TAS1R1: variants seen among roughly 807,000 people sequenced by gnomAD.
The protein encoded by TAS1R1 is taste receptor type 1 member 1.
In TAS1R1, 31 loss-of-function variants were observed where a neutral mutation model predicts 45.8. The ratio of observed to expected loss-of-function variants is 0.68; its 90% confidence interval spans 0.51 to 0.91. The LOEUF (loss-of-function observed/expected upper bound fraction) is 0.91. TAS1R1 is among the 40% of genes least tolerant of loss of function. The pLI is 0.00. For synonymous variants in TAS1R1, 437 were observed against 448.4 expected, an observed-to-expected ratio of 0.97 and a Z score of 0.32; for missense variants, 1,051 against 1,063.9, an observed-to-expected ratio of 0.99 and a Z score of 0.17.
At chr1:6,578,482 A>G (rs1352982651) in intron 5 of TAS1R1, among the ~76,000 whole-genome samples, 171 bp from the exon 6 acceptor site, 3 of 151,872 alleles carry the variant, frequency 2.0e-5, no homozygotes, top group African/African-American at 7.3e-5. Flanking sequence ...TAACACAGGC[A>G]TTTTGAGGAA....
Position 6,579,658 on chromosome 1 carries a change from C to CG in TAS1R1, c.*77dup. ...GAAGGTCGAGCAGGCCGGGGGTGTCCGGGAGGTCTTTGGGCATCGCGGTCT... is the reference window on the plus strand; with the variant it reads ...GAAGGTCGAGCAGGCCGGGGGTGTCCGGGGAGGTCTTTGGGCATCGCGGTCT... On this transcript the variant is annotated 3_prime_UTR_variant, in exon 6 of 6. Transcript: ENST00000333172. The CG allele has an allele frequency of 6.6e-7, 1 of 1,518,550 alleles. No individual in the cohort carries two copies. Among genetic ancestry groups the CG allele is most frequent in the Non-Finnish European group, 8.8e-7 (1 of 1,140,724 alleles). 94.1% of individuals were successfully genotyped at this position (1,518,550 alleles called of 1,614,324 possible).
At chr1:6,577,154 G>C in intron 5 of TAS1R1, 84 bp downstream of exon 5, 1 of 1,573,582 alleles carries the variant, frequency 6.4e-7, no homozygotes. Context: ...GGCCCCATGT[G>C]CCCTGCCCCA....
intron 1 of TAS1R1, among the ~76,000 whole-genome samples, chr1:6,565,655 C>T (rs769990129): frequency 6.6e-6 from 1 of 152,114 alleles, no homozygotes; most frequent in Non-Finnish European, 1.5e-5. Flanking sequence ...CTCTGTTGCC[C>T]AGGCTGGAGT....
intron 2 of TAS1R1, among the ~76,000 whole-genome samples, chr1:6,573,735 T>G (rs1009750512): frequency 1.3e-5 from 2 of 151,986 alleles, no homozygotes; most frequent in African/African-American, 4.8e-5. Context: ...CGATCTCGAC[T>G]CACTGCAAGC....
intron 3 of TAS1R1, 130 bp downstream of exon 3, chr1:6,575,522 G>C (rs1640145246): frequency 3.5e-6 from 4 of 1,131,066 alleles, no homozygotes; most frequent in Non-Finnish European, 4.8e-6. Context: ...TTTTTGTTTT[G>C]TTTTGTTTTG....
In TAS1R1 at chr1:6,575,139, C is replaced by T. The variant is rs1262995343; in HGVS notation, c.1007C>T (p.Ala336Val). The T allele has an allele frequency of 4.4e-6, 7 of 1,584,536 alleles. No homozygotes were observed. Among genetic ancestry groups the T allele is most frequent in the East Asian group, 4.5e-5 (2 of 44,730 alleles). The change falls in exon 3 of 6, where the codon GCG becomes GTG. Residue 336 changes from alanine (A) to valine (V), a missense_variant. Transcript: ENST00000333172. ...AAGAGGGCTGTCCCTGGCCTGAAGGCGTTTGAAGAAGCCTATGCCCGGGCA... is the reference window on the plus strand; with the variant it reads ...AAGAGGGCTGTCCCTGGCCTGAAGGTGTTTGAAGAAGCCTATGCCCGGGCA... ...IQKRAVPGLK[A>V]FEEAYARADK... is the part of the protein sequence containing the mutation.
chr1:6,576,662 C>CTTA (rs1242883626), intron 4 of TAS1R1, 35 bp downstream of exon 4: 1 of 1,605,418 alleles, frequency 6.2e-7, no homozygotes, highest in Non-Finnish European at 8.5e-7. Context: ...ATGTAACTGG[C>CTTA]TTATGGGCAA....
At chr1:6,555,866 C>CTTTTTTTT (rs770363613) in intron 1 of TAS1R1, among the ~76,000 whole-genome samples, 1,901 of 95,074 alleles carry the variant, frequency 0.02, 125 homozygotes, top group Middle Eastern at 0.033. Context: ...TTTCCCTCTT[C>CTTTTTTTT]TTTTTTTTTT....
At chr1:6,578,561 G>A in intron 5 of TAS1R1, 92 bp from the exon 6 acceptor site, 1 of 1,507,026 alleles carries the variant, frequency 6.6e-7, no homozygotes, top group South Asian at 1.4e-5. Context: ...TAGCTGCCCT[G>A]GTACAATTCT....
chr1:6,558,977 C>T (rs546663768), intron 1 of TAS1R1, among the ~76,000 whole-genome samples: 8 of 135,570 alleles, frequency 5.9e-5, no homozygotes, highest in African/African-American at 2.2e-4. Context: ...CTGCAAGCTC[C>T]GCCTCCTGGT....
rs34857011 is a variant in TAS1R1, at chr1:6,579,332, G to A, written c.2274G>A (p.Glu758=). 10,109 of 1,614,114 alleles carry A rather than the reference G, an allele frequency of 6.3e-3. 477 individuals carry two copies. The African/African-American group carries it at 0.11, about 18-fold the overall frequency. Reference sequence around the variant, plus strand: ...AGGACTTGCCAGAGAACTACAACGAGGCCAAATGTGTCACCTTCAGCCTGC... The same window carrying A: ...AGGACTTGCCAGAGAACTACAACGAAGCCAAATGTGTCACCTTCAGCCTGC... ...LGKDLPENYN[E]AKCVTFSLLF... is the part of the protein sequence containing the mutation. The change falls in exon 6 of 6, where the codon GAG becomes GAA. Residue 758 remains glutamate (E), a synonymous_variant. Transcript: ENST00000333172.
chr1:6,578,614 C>G, intron 5 of TAS1R1, 39 bp from the exon 6 acceptor site: 24 of 1,525,618 alleles, frequency 1.6e-5, no homozygotes, highest in Non-Finnish European at 2.1e-5. Context: ...CTACTCTGCT[C>G]ATCTGGCTCT....
In TAS1R1 at chr1:6,575,107, C is replaced by G; in HGVS notation, c.975C>G (p.Ala325=). 6.3e-7 allele frequency: 1 copy of G among 1,585,512 alleles called. No individual in the cohort carries two copies. The highest frequency in any genetic ancestry group is 1.8e-5 in the Admixed American group (1 of 56,402). The part of the protein sequence containing the change: ...IQRIGMVLGV[A]IQKRAVPGLK... ...GCATTGGGATGGTGCTGGGCGTGGC[C>G]ATCCAGAAGAGGGCTGTCCCTGGCC... is the stretch of plus-strand genomic sequence containing the variant. The change falls in exon 3 of 6, where the codon GCC becomes GCG. Residue 325 remains alanine, a synonymous_variant. Coordinates refer to ENST00000333172, the MANE Select transcript of TAS1R1 (RefSeq NM_138697.4).
chr1:6,574,991 G>C lies in TAS1R1; in HGVS notation c.859G>C (p.Val287Leu). ...GTTGGCCAGGGTGTTTTTCGAGTCC[G>C]TGGTGCTGACCAACCTGACTGGCAA... is the stretch of plus-strand genomic sequence containing the variant. The part of the protein sequence containing the change: ...RQLARVFFES[V>L]VLTNLTGKVW... Residue 287 changes from valine (V) to leucine (L), a missense_variant, in exon 3 of 6, where the codon GTG (valine) becomes CTG (leucine). Val to Leu is a conservative substitution (Grantham distance 32). Transcript: ENST00000333172. This position sits in a 1 kb window ranked among gnomAD's most constrained non-coding sequence, Gnocchi z 4.3. 1 of 1,598,964 alleles carries C rather than the reference G, an allele frequency of 6.3e-7. No individual in the cohort carries two copies. Among genetic ancestry groups the C allele is most frequent in the East Asian group, 2.2e-5 (1 of 44,730 alleles).
At chr1:6,567,586 C>A (rs1485193883) in intron 1 of TAS1R1, among the ~76,000 whole-genome samples, 3 of 148,960 alleles carry the variant, frequency 2.0e-5, no homozygotes, top group African/African-American at 7.4e-5. Context: ...AAGAGGAGAT[C>A]GGCTTACCTG....
chr1:6,572,421 G>C (rs185968094), intron 2 of TAS1R1, among the ~76,000 whole-genome samples: 1 of 152,026 alleles, frequency 6.6e-6, no homozygotes, highest in East Asian at 1.9e-4. Context: ...CACCATGCCT[G>C]GCTAATTTTT....
In TAS1R1 at chr1:6,571,095, C is replaced by T; in HGVS notation, c.378C>T (p.His126=). 1 of 1,614,130 alleles carries T rather than the reference C, an allele frequency of 6.2e-7. No individual in the cohort carries two copies. The highest frequency in any genetic ancestry group is 1.1e-5 in the South Asian group (1 of 91,082). ...LRVLSLPGQH[H]IELQGDLLHY... is the part of the protein sequence containing the mutation. ...TGCTCTCCCTGCCAGGGCAACACCA[C>T]ATAGAGCTCCAAGGAGACCTTCTCC... The change falls in exon 2 of 6, where the codon CAC becomes CAT. Residue 126 remains histidine, a synonymous_variant. Transcript: ENST00000333172.
Position 6,578,935 on chromosome 1 carries a change from C to T in TAS1R1, c.1877C>T (p.Pro626Leu), listed in dbSNP as rs150612979. 9.6e-4 allele frequency: 1,554 copies of T among 1,613,898 alleles called. 12 individuals carry two copies. In the Admixed American group the frequency reaches 0.015, roughly 15 times the overall value. The change falls in exon 6 of 6, where the codon CCC (proline) becomes CTC (leucine). Residue 626 changes from proline (P) to leucine (L), a missense_variant. Transcript: ENST00000333172. ...SGSLYGFFGE[P>L]TRPACLLRQA... ...AGCCTCTATGGCTTCTTTGGGGAAC[C>T]CACAAGGCCTGCGTGCTTGCTACGC...
chr1:6,573,384 G>A (rs750141027), intron 2 of TAS1R1, among the ~76,000 whole-genome samples: 9 of 152,046 alleles, frequency 5.9e-5, no homozygotes, highest in Non-Finnish European at 8.8e-5. Flanking sequence ...TTGAACCCAG[G>A]AGGCAGGGGT....
Sources: allele counts gnomAD v4.1 joint callset (sites outside exome capture counted in the v4.1 genomes callset), GRCh38; gene constraint gnomAD v4.1.1; non-coding constraint Gnocchi (gnomAD v3.1); transcripts MANE v1.5; gene names NCBI Gene and HGNC (gene_info 2026-07-23, HGNC 2026-07-21).